The following NTM variants were observed in gnomAD, a reference collection of about 807,000 sequenced individuals.
NTM encodes IgLON family member 2.
A neutral mutation model predicts 42.1 loss-of-function variants in NTM; 13 were observed. The ratio of observed to expected loss-of-function variants is 0.31; its 90% CI spans 0.20 to 0.49. The LOEUF (loss-of-function observed/expected upper bound fraction) is 0.49, where lower values mean the gene tolerates loss of function less well. Ranked by LOEUF, NTM falls within the 20% of genes least tolerant of loss-of-function variation. NTM has a pLI of 0.99. For synonymous variants in NTM, 187 were observed against 179.2 expected (o/e 1.04, Z -0.35); for missense variants, 373 against 452.8 (o/e 0.82, Z 1.60).
At chr11:131,968,205 A>T (rs957438978) in intron 2 of NTM, among the ~76,000 whole-genome samples, 8 of 152,184 alleles carry the variant, frequency 5.3e-5, no homozygotes, top group African/African-American at 1.9e-4. Flanking sequence ...AAAACAAAAA[A>T]CTAAGACGTA....
chr11:131,499,750 T>C (rs1386363760), intron 1 of NTM, among the ~76,000 whole-genome samples: 1 of 152,190 alleles, frequency 6.6e-6, no homozygotes, highest in Non-Finnish European at 1.5e-5. Context: ...TTCTTCTGCA[T>C]CAGAGCAAAA....
intron 2 of NTM, among the ~76,000 whole-genome samples, chr11:132,024,849 A>G (rs1191813373): frequency 1.3e-5 from 2 of 152,112 alleles, no homozygotes. Context: ...TTCTCTGTGG[A>G]GGTTAGGAAC....
At chr11:131,758,062 G>A (rs780198347) in intron 1 of NTM, among the ~76,000 whole-genome samples, 3 of 152,200 alleles carry the variant, frequency 2.0e-5, no homozygotes, top group Admixed American at 6.5e-5. Flanking sequence ...ACACTACAGG[G>A]CTCCGCTGAG....
intron 4 of NTM, among the ~76,000 whole-genome samples, chr11:132,270,475 G>T (rs113873348): frequency 6.6e-6 from 1 of 151,938 alleles, no homozygotes; most frequent in African/African-American, 2.4e-5. Flanking sequence ...GTGATCAGCC[G>T]ATCTTGGCCT....
intron 1 of NTM, among the ~76,000 whole-genome samples, chr11:131,736,734 G>A (rs56293415): frequency 1.3e-5 from 2 of 152,134 alleles, no homozygotes; most frequent in Non-Finnish European, 2.9e-5. Flanking sequence ...TAAAAATAGT[G>A]CAGACATTTC....
chr11:131,637,058 A>G (rs2064490351), intron 1 of NTM, among the ~76,000 whole-genome samples: 1 of 152,134 alleles, frequency 6.6e-6, no homozygotes, highest in African/African-American at 2.4e-5. Flanking sequence ...CTTGTCTTCT[A>G]AATGAAACAT....
At chr11:131,938,888 A>T (rs2059506101) in intron 2 of NTM, among the ~76,000 whole-genome samples, 1 of 152,186 alleles carries the variant, frequency 6.6e-6, no homozygotes, top group South Asian at 2.1e-4. Flanking sequence ...TGATTCTTTT[A>T]ACCCATGTAG....
intron 2 of NTM, among the ~76,000 whole-genome samples, chr11:132,029,817 G>A (rs548684088): frequency 6.6e-6 from 1 of 152,094 alleles, no homozygotes; most frequent in African/African-American, 2.4e-5. Flanking sequence ...CGAGGAGTGG[G>A]TATAAAGTCA....
chr11:132,015,633 A>ATATTTTATTT (rs151321359), intron 2 of NTM, among the ~76,000 whole-genome samples: 19,709 of 143,040 alleles, frequency 0.14, 1,538 homozygotes, highest in Middle Eastern at 0.18. Context: ...TTATTCTTAG[A>ATATTTTATTT]TATTTTATTT....
intron 1 of NTM, among the ~76,000 whole-genome samples, chr11:131,669,695 A>G (rs1377502202): frequency 6.6e-6 from 1 of 152,170 alleles, no homozygotes; most frequent in Non-Finnish European, 1.5e-5. Context: ...TGGCCACAGC[A>G]TAGAAGGGAG....
chr11:131,455,936 A>G (rs900949643), intron 1 of NTM, among the ~76,000 whole-genome samples: 3 of 152,258 alleles, frequency 2.0e-5, no homozygotes, highest in Admixed American at 2.0e-4. Flanking sequence ...TGTCTGATGA[A>G]CAAAGAGAAA....
At chr11:131,374,157 G>T (rs898869405) in intron 1 of NTM, among the ~76,000 whole-genome samples, 1 of 152,214 alleles carries the variant, frequency 6.6e-6, no homozygotes, top group Admixed American at 6.5e-5. Flanking sequence ...GGCAGTAAGG[G>T]GAGGGCGTCA....
At chr11:132,293,451 T>C (rs527279618) in intron 4 of NTM, among the ~76,000 whole-genome samples, 11 of 152,156 alleles carry the variant, frequency 7.2e-5, no homozygotes, top group Admixed American at 2.6e-4. Context: ...TCAGGGAGCG[T>C]TGATGATGCA....
chr11:131,549,691 C>T (rs1177751805), intron 1 of NTM, among the ~76,000 whole-genome samples: 1 of 152,170 alleles, frequency 6.6e-6, no homozygotes, highest in Non-Finnish European at 1.5e-5. Context: ...CTTCGATCCT[C>T]AGAAAGGGTT....
intron 2 of NTM, among the ~76,000 whole-genome samples, chr11:131,990,311 C>T (rs953343213): frequency 5.3e-5 from 8 of 152,062 alleles, no homozygotes; most frequent in African/African-American, 1.9e-4. Flanking sequence ...TGGATGATGC[C>T]AGTAACTAAA....
intron 4 of NTM, among the ~76,000 whole-genome samples, chr11:132,262,534 C>T (rs1478656097): frequency 6.6e-6 from 1 of 152,194 alleles, no homozygotes; most frequent in Non-Finnish European, 1.5e-5. Flanking sequence ...CTTCTTGCTG[C>T]TTCCTCACAT....
chr11:132,165,328 G>C (rs2075101217), intron 3 of NTM, among the ~76,000 whole-genome samples: 1 of 152,088 alleles, frequency 6.6e-6, no homozygotes, highest in Admixed American at 6.5e-5. Flanking sequence ...ATTTCTTTCT[G>C]TAGCACTCCT....
chr11:131,472,649 G>A (rs921851129), intron 1 of NTM, among the ~76,000 whole-genome samples: 2 of 152,182 alleles, frequency 1.3e-5, no homozygotes, highest in African/African-American at 4.8e-5. Flanking sequence ...CTTTCTTCCT[G>A]GGTAAAGGCA....
intron 1 of NTM, among the ~76,000 whole-genome samples, chr11:131,584,431 A>T (rs1043390017): frequency 6.6e-6 from 1 of 152,116 alleles, no homozygotes; most frequent in Non-Finnish European, 1.5e-5. Flanking sequence ...AGGCCATGAG[A>T]GGGGAGTTAA....
Sources: allele counts gnomAD v4.1 joint callset (sites outside exome capture counted in the v4.1 genomes callset), GRCh38; gene constraint gnomAD v4.1.1; transcripts MANE v1.5; gene names NCBI Gene and HGNC (gene_info 2026-07-23, HGNC 2026-07-21).